Variants in HS6ST3 observed in about 807,000 individuals in gnomAD.
HS6ST3 encodes heparan-sulfate 6-O-sulfotransferase 3.
Under a neutral mutation model 36.7 loss-of-function variants are expected in HS6ST3, and 12 were observed. That is an observed-to-expected ratio of 0.33 (90% confidence interval 0.21 to 0.53). The LOEUF is 0.53. HS6ST3 is among the 20% of genes least tolerant of loss of function. The pLI, the probability that HS6ST3 is intolerant of heterozygous loss-of-function variation, is 0.95. For missense variants in HS6ST3, 584 were observed against 640.9 expected, an observed-to-expected ratio of 0.91 and a Z score of 0.96; for synonymous variants, 240 against 257.5, an observed-to-expected ratio of 0.93 and a Z score of 0.65.
At chr13:96,556,400 A>C (rs531322446) in intron 1 of HS6ST3, among the ~76,000 whole-genome samples, 1 of 152,204 alleles carries the variant, frequency 6.6e-6, no homozygotes, top group Non-Finnish European at 1.5e-5. Flanking sequence ...GGTCATTTAC[A>C]TTATAGTCCT....
At chr13:96,174,119 A>G (rs1471655745) in intron 1 of HS6ST3, among the ~76,000 whole-genome samples, 1 of 152,204 alleles carries the variant, frequency 6.6e-6, no homozygotes, top group African/African-American at 2.4e-5. Flanking sequence ...TCATCATTTT[A>G]TTCATTCTCA....
chr13:96,636,595 A>G (rs1185890637), intron 1 of HS6ST3, among the ~76,000 whole-genome samples: 1 of 151,958 alleles, frequency 6.6e-6, no homozygotes, highest in East Asian at 1.9e-4. Flanking sequence ...CATTTTATTT[A>G]CTCTTGGTAC....
intron 1 of HS6ST3, among the ~76,000 whole-genome samples, chr13:96,349,183 T>G (rs1397959879): frequency 6.6e-6 from 1 of 152,204 alleles, no homozygotes; most frequent in East Asian, 1.9e-4. Flanking sequence ...CAATTTTCAG[T>G]TAACATTTTT....
intron 1 of HS6ST3, among the ~76,000 whole-genome samples, chr13:96,643,994 A>G (rs1269494698): frequency 6.6e-6 from 1 of 151,898 alleles, no homozygotes; most frequent in Non-Finnish European, 1.5e-5. Context: ...AAAAAAGTTG[A>G]TTCTGACATT....
chr13:96,833,357 G>A lies in HS6ST3; in HGVS notation c.*159G>A. On this transcript the variant is annotated 3_prime_UTR_variant, in exon 2 of 2. Coordinates refer to ENST00000376705, the MANE Select transcript of HS6ST3 (RefSeq NM_153456.4). Reference sequence around the variant, plus strand: ...CTTTGTCTTCATTTTTATCCAGCTGGAGATTATCCGTCTTGTTCTTTTTTT... The same window carrying A: ...CTTTGTCTTCATTTTTATCCAGCTGAAGATTATCCGTCTTGTTCTTTTTTT... The A allele has an allele frequency of 1.6e-6, 1 of 621,000 alleles. No homozygotes were observed. The highest frequency in any genetic ancestry group is 2.7e-6 in the Non-Finnish European group (1 of 367,618). 38.5% of individuals were successfully genotyped at this position (621,000 alleles called of 1,614,324 possible).
At chr13:96,335,915 C>T (rs1218801502) in intron 1 of HS6ST3, among the ~76,000 whole-genome samples, 1 of 152,052 alleles carries the variant, frequency 6.6e-6, no homozygotes, top group African/African-American at 2.4e-5. Flanking sequence ...ATATCGGTGC[C>T]TAGGAAGTAT....
At chr13:96,712,815 T>A (rs1244539554) in intron 1 of HS6ST3, among the ~76,000 whole-genome samples, 1 of 152,154 alleles carries the variant, frequency 6.6e-6, no homozygotes, top group Non-Finnish European at 1.5e-5. Context: ...GTAGGTGTGA[T>A]TTTATTCTTT....
chr13:96,521,943 A>C (rs2056095082), intron 1 of HS6ST3, among the ~76,000 whole-genome samples: 1 of 152,018 alleles, frequency 6.6e-6, no homozygotes, highest in South Asian at 2.1e-4. Context: ...TTGTGATGTT[A>C]GGGTGTCGAT....
chr13:96,216,284 A>G lies in HS6ST3; in HGVS notation c.707+124715A>G, dbSNP rs149025093. ...ATACATTTTGATTCTACTTTTTCAC[A>G]TAACCAAAGTCCTTTCCCATGCTGT... On this transcript the variant is annotated intron_variant, in intron 1 of 1. Coordinates refer to ENST00000376705, the MANE Select transcript of HS6ST3 (RefSeq NM_153456.4). Among the ~76,000 whole-genome samples the G allele has an allele frequency of 4.8e-4, 73 of 152,314 alleles. 1 individual carries two copies. Among genetic ancestry groups the G allele is most frequent in the African/African-American group, 1.6e-3 (67 of 41,570 alleles).
chr13:96,315,472 T>C (rs2054963940), intron 1 of HS6ST3, among the ~76,000 whole-genome samples: 1 of 152,148 alleles, frequency 6.6e-6, no homozygotes, highest in African/African-American at 2.4e-5. Flanking sequence ...GGTACAAGTT[T>C]GCATTTAGGT....
chr13:96,494,894 A>G (rs932261024), intron 1 of HS6ST3, among the ~76,000 whole-genome samples: 6 of 152,174 alleles, frequency 3.9e-5, no homozygotes, highest in African/African-American at 1.2e-4. Flanking sequence ...TCCTTGATAC[A>G]TGCTTAAGGA....
chr13:96,138,394 GTTTATAAATATATATTTACA>G (rs2054013068), intron 1 of HS6ST3, among the ~76,000 whole-genome samples: 1 of 45,618 alleles, frequency 2.2e-5, no homozygotes, highest in African/African-American at 1.2e-4. Flanking sequence ...TATGTTTACA[GTTTATAAATATATATTTACA>G]GTTTATAAAT....
At chr13:96,363,614 G>A (rs1047038763) in intron 1 of HS6ST3, among the ~76,000 whole-genome samples, 1 of 152,024 alleles carries the variant, frequency 6.6e-6, no homozygotes, top group African/African-American at 2.4e-5. Context: ...TTAAACACTT[G>A]TGTGGTTACA....
intron 1 of HS6ST3, among the ~76,000 whole-genome samples, chr13:96,276,390 C>T (rs899513007): frequency 6.6e-5 from 10 of 152,182 alleles, no homozygotes; most frequent in African/African-American, 2.4e-4. Flanking sequence ...CTTTGACCTT[C>T]AATACCCTGC....
At chr13:96,343,078 A>G (rs2055138120) in intron 1 of HS6ST3, among the ~76,000 whole-genome samples, 1 of 152,198 alleles carries the variant, frequency 6.6e-6, no homozygotes, top group Non-Finnish European at 1.5e-5. Context: ...GCATACTAAT[A>G]GGAGTTTCTG....
chr13:96,571,430 C>A (rs942503422), intron 1 of HS6ST3, among the ~76,000 whole-genome samples: 4 of 152,152 alleles, frequency 2.6e-5, no homozygotes, highest in African/African-American at 9.7e-5. Flanking sequence ...ACAATATCAG[C>A]AAGCAAACAG....
intron 1 of HS6ST3, among the ~76,000 whole-genome samples, chr13:96,791,204 G>T (rs767988250): frequency 6.6e-6 from 1 of 151,948 alleles, no homozygotes; most frequent in African/African-American, 2.4e-5. Flanking sequence ...GAATCTTGAC[G>T]AACCTCTATT....
At chr13:96,452,815 T>TC (rs1003393339) in intron 1 of HS6ST3, among the ~76,000 whole-genome samples, 7 of 151,994 alleles carry the variant, frequency 4.6e-5, no homozygotes, top group East Asian at 1.9e-4. Context: ...GTTTTTTATT[T>TC]CCCCCCCAGG....
chr13:96,822,198 A>G (rs1878549208), intron 1 of HS6ST3, among the ~76,000 whole-genome samples: 2 of 152,072 alleles, frequency 1.3e-5, no homozygotes, highest in Admixed American at 1.3e-4. Flanking sequence ...GCCTTATCTC[A>G]CTCCAAGGCG....
Sources: allele counts gnomAD v4.1 joint callset (sites outside exome capture counted in the v4.1 genomes callset), GRCh38; gene constraint gnomAD v4.1.1; transcripts MANE v1.5; gene names NCBI Gene and HGNC (gene_info 2026-07-23, HGNC 2026-07-21).